Variants in DNAJC10 observed in about 807,000 individuals in gnomAD.
DNAJC10 encodes the protein DnaJ heat shock protein family (Hsp40) member C10, also known as endoplasmic reticulum disulfide reductase DNAJC10.
In DNAJC10, 101 loss-of-function variants were observed where a neutral mutation model predicts 115.0. The ratio of observed to expected loss-of-function variants is 0.88; its 90% confidence interval spans 0.75 to 1.04. The LOEUF is 1.04. DNAJC10 is among the 50% of genes least tolerant of loss of function. The probability of loss-of-function intolerance (pLI) is 0.00; values close to 1 mark genes in which losing one functional copy is unlikely to be tolerated. For missense variants in DNAJC10, 981 were observed against 928.8 expected (o/e 1.06, Z -0.73); for synonymous variants, 307 against 301.5 (o/e 1.02, Z -0.19).
At chr2:182,745,428 C>T (rs948049013) in intron 14 of DNAJC10, among the ~76,000 whole-genome samples, 2 of 152,204 alleles carry the variant, frequency 1.3e-5, no homozygotes, top group South Asian at 2.1e-4. Context: ...ATTTAGCAAA[C>T]TCCAAATTGC....
chr2:182,732,737 A>G (rs1693483312), intron 10 of DNAJC10, 195 bp downstream of exon 10: 1 of 569,352 alleles, frequency 1.8e-6, no homozygotes, highest in South Asian at 2.3e-5. Flanking sequence ...TTAACGTGGT[A>G]TCAATTCTAA....
In DNAJC10 at chr2:182,788,647, GTTC is replaced by G. The variant is rs1694993391; in HGVS notation, c.*11518_*11520del. 6.0e-6 allele frequency: 2 copies of G among 330,768 alleles called. No individual in the cohort carries two copies. The highest frequency in any genetic ancestry group is 8.2e-5 in the East Asian group (1 of 12,200). 20.5% of individuals were successfully genotyped at this position (330,768 alleles called of 1,614,324 possible). ...GTCTGTAAGTGATGGTCATATTTGT[GTTC>G]TTTTGTCCCAGAGAACAAAAGGAAG... On this transcript the variant is annotated 3_prime_UTR_variant, in exon 24 of 24. Coordinates refer to ENST00000264065, the MANE Select transcript of DNAJC10 (RefSeq NM_018981.4).
chr2:182,792,097 T>C lies in DNAJC10; in HGVS notation c.*14965T>C, dbSNP rs947135861. ...ACAATCTTGTTCACTTTTCATGCCA[T>C]CATCTTGACACTCAATACATGTTCA... On this transcript the variant is annotated 3_prime_UTR_variant, in exon 24 of 24. Coordinates refer to ENST00000264065, the MANE Select transcript of DNAJC10 (RefSeq NM_018981.4). The C allele has an allele frequency of 1.3e-5, 2 of 152,178 alleles. No individual in the cohort carries two copies. The highest frequency in any genetic ancestry group is 2.9e-5 in the Non-Finnish European group (2 of 68,024). The allele number at this position is 152,178 out of a possible 1,614,324, so 9.4% of individuals were successfully genotyped here. A position where few individuals can be genotyped will look rare whatever the true frequency, so the allele number is the denominator to read the frequency against.
chr2:182,767,674 G>C (rs557627196), intron 22 of DNAJC10, among the ~76,000 whole-genome samples: 2 of 152,192 alleles, frequency 1.3e-5, no homozygotes, highest in East Asian at 1.9e-4. Flanking sequence ...CCGGTGAGGG[G>C]GTGGGGGGCA....
Position 182,779,646 on chromosome 2 carries a change from G to GTCTT in DNAJC10, c.*2517_*2520dup, listed in dbSNP as rs1235190509. 1.2e-4 allele frequency: 18 copies of GTCTT among 152,192 alleles called. No homozygotes were observed. The highest frequency in any genetic ancestry group is 4.3e-4 in the African/African-American group (18 of 41,522). 9.4% of individuals were successfully genotyped at this position (152,192 alleles called of 1,614,324 possible). A position where few individuals can be genotyped will look rare whatever the true frequency, so the allele number is the denominator to read the frequency against. On this transcript the variant is annotated 3_prime_UTR_variant, in exon 24 of 24. Coordinates refer to ENST00000264065, the MANE Select transcript of DNAJC10 (RefSeq NM_018981.4). ...TTCTGATTTCTCAAATTTTATTTAG[G>GTCTT]TCTTTCATAGCTTTTTTATTTAAAG...
intron 16 of DNAJC10, chr2:182,752,402 A>C: frequency 2.9e-6 from 1 of 345,192 alleles, no homozygotes. Flanking sequence ...AATGTAAATA[A>C]GGTCTTATTT....
intron 3 of DNAJC10, among the ~76,000 whole-genome samples, chr2:182,719,604 T>C (rs1558994284): frequency 1.3e-5 from 2 of 152,060 alleles, no homozygotes; most frequent in Non-Finnish European, 1.5e-5. Context: ...TTTAATTAAG[T>C]TGATTTTACC....
At chr2:182,749,952 T>C (rs185266662) in intron 14 of DNAJC10, among the ~76,000 whole-genome samples, 69 of 152,284 alleles carry the variant, frequency 4.5e-4, no homozygotes, top group African/African-American at 1.6e-3. Context: ...CTTTTGTGAT[T>C]GTCAGGAGGC....
chr2:182,733,722 A>G (rs1334008241), intron 10 of DNAJC10, among the ~76,000 whole-genome samples: 1 of 148,680 alleles, frequency 6.7e-6, no homozygotes, highest in African/African-American at 2.5e-5. Context: ...TTATCAGAAA[A>G]CCATCTGGGC....
rs746355674 is a variant in DNAJC10 at position 182,718,124 on chromosome 2, A to G, written c.38A>G (p.Asp13Gly). The G allele has an allele frequency of 6.2e-7, 1 of 1,612,268 alleles. No homozygotes were observed. The highest frequency in any genetic ancestry group is 1.7e-5 in the Admixed American group (1 of 59,902). The change falls in exon 3 of 24, where the codon GAC becomes GGC. Residue 13 changes from aspartate (D) to glycine (G), a missense_variant. Coordinates refer to ENST00000264065, the MANE Select transcript of DNAJC10 (RefSeq NM_018981.4). ...TTAAATAAAGATGACTATATCAGAG[A>G]CTTGAAAAGGATCATTCTCTGTTTT... ...VWLNKDDYIR[D>G]LKRIILCFLI...
At chr2:182,775,250 T>C in intron 22 of DNAJC10, 66 bp from the exon 23 acceptor site, 1 of 1,025,638 alleles carries the variant, frequency 9.8e-7, no homozygotes, top group Non-Finnish European at 1.5e-6. Flanking sequence ...TTTAATCAAG[T>C]TTCTTAGGTG....
At chr2:182,718,556 C>T (rs962352975) in intron 3 of DNAJC10, among the ~76,000 whole-genome samples, 1 of 152,076 alleles carries the variant, frequency 6.6e-6, no homozygotes, top group Admixed American at 6.5e-5. Flanking sequence ...CCAAAACAAA[C>T]GATAATATCC....
In DNAJC10 at chr2:182,781,916, G is replaced by C. The variant is rs763979328; in HGVS notation, c.*4784G>C. The stretch of plus-strand genomic sequence containing the variant: ...ATTCTGTAGGTTGCCTGTTCACTCT[G>C]ATCATAGTTTCTTTTGCCATGCAGA... On this transcript the variant is annotated 3_prime_UTR_variant, in exon 24 of 24. Transcript: ENST00000264065. 2 of 152,116 alleles carry C rather than the reference G, an allele frequency of 1.3e-5. No individual in the cohort carries two copies. The highest frequency in any genetic ancestry group is 2.9e-5 in the Non-Finnish European group (2 of 68,014). 9.4% of individuals were successfully genotyped at this position (152,116 alleles called of 1,614,324 possible).
chr2:182,752,422 A>T, intron 16 of DNAJC10: 1 of 344,522 alleles, frequency 2.9e-6, no homozygotes, highest in Non-Finnish European at 4.7e-6. Context: ...TATCAAACTC[A>T]GGCAACTATT....
At chr2:182,750,191 G>C (rs1350705616) in intron 14 of DNAJC10, among the ~76,000 whole-genome samples, 1 of 152,178 alleles carries the variant, frequency 6.6e-6, no homozygotes, top group Non-Finnish European at 1.5e-5. Context: ...TTTCTGACTT[G>C]ACGAAATTGC....
At chr2:182,751,572 G>A (rs1694019099) in intron 14 of DNAJC10, 86 bp from the exon 15 acceptor site, 4 of 1,397,206 alleles carry the variant, frequency 2.9e-6, no homozygotes, top group Admixed American at 2.0e-5. Context: ...ATCTTCTTTA[G>A]TATTCTGAGT....
At chr2:182,759,997 C>A (rs1694251084) in intron 21 of DNAJC10, among the ~76,000 whole-genome samples, 2 of 152,172 alleles carry the variant, frequency 1.3e-5, no homozygotes, top group Admixed American at 1.3e-4. Context: ...CAGTGCTGCC[C>A]TGGTGATCTT....
chr2:182,765,350 T>C (rs1010606085), intron 22 of DNAJC10, among the ~76,000 whole-genome samples: 4 of 152,234 alleles, frequency 2.6e-5, no homozygotes, highest in Non-Finnish European at 4.4e-5. Context: ...AAAAGTATCA[T>C]TGGATGACAA....
chr2:182,730,114 C>T (rs1177272103), intron 8 of DNAJC10, among the ~76,000 whole-genome samples, 173 bp downstream of exon 8: 1 of 152,032 alleles, frequency 6.6e-6, no homozygotes, highest in Non-Finnish European at 1.5e-5. Context: ...ATTTAACAAA[C>T]TAGTTAAATT....
Sources: allele counts gnomAD v4.1 joint callset (sites outside exome capture counted in the v4.1 genomes callset), GRCh38; gene constraint gnomAD v4.1.1; transcripts MANE v1.5; gene names NCBI Gene and HGNC (gene_info 2026-07-23, HGNC 2026-07-21).